Variants in PDS5A observed in about 807,000 individuals in gnomAD.
The protein encoded by PDS5A is sister chromatid cohesion protein PDS5 homolog A.
A neutral mutation model predicts 167.1 loss-of-function variants in PDS5A; 42 were observed. That is an observed-to-expected ratio of 0.25 (90% CI 0.20 to 0.33). The LOEUF (loss-of-function observed/expected upper bound fraction) is 0.33, where lower values mean the gene tolerates loss of function less well. Ranked by LOEUF, PDS5A falls within the 10% of genes least tolerant of loss-of-function variation. PDS5A has a pLI of 1.00. For synonymous variants in PDS5A, 553 were observed against 554.6 expected (o/e 1.00, Z 0.04); for missense variants, 1,033 against 1,605.9 (o/e 0.64, Z 6.10).
At chr4:39,833,470 C>T (rs1343862103) in intron 32 of PDS5A, among the ~76,000 whole-genome samples, 5 of 152,082 alleles carry the variant, frequency 3.3e-5, no homozygotes, top group African/African-American at 9.7e-5. Flanking sequence ...CTCACTGTAG[C>T]CTCGACCTCC....
intron 7 of PDS5A, among the ~76,000 whole-genome samples, chr4:39,917,895 A>G (rs1297333338): frequency 6.6e-6 from 1 of 152,058 alleles, no homozygotes; most frequent in Admixed American, 6.5e-5. Flanking sequence ...ATTTTTAAAA[A>G]AATCAAAGGC....
rs1373436212 is a variant in PDS5A, at chr4:39,869,382, A to G, written c.2505+12T>C. The G allele has an allele frequency of 1.3e-6, 2 of 1,534,010 alleles. No individual in the cohort carries two copies. The highest frequency in any genetic ancestry group is 3.4e-5 in the Admixed American group (2 of 59,388). ...TTAAACATGAAGATTATCAAGGCCT[A>G]AACAAATTTACCTTTGCTAGTACTT... is the stretch of plus-strand genomic sequence containing the variant. On this transcript the variant is annotated intron_variant, in intron 22 of 32. Coordinates refer to ENST00000303538, the MANE Select transcript of PDS5A (RefSeq NM_001100399.2).
At chr4:39,876,199 C>T (rs931938339) in intron 19 of PDS5A, among the ~76,000 whole-genome samples, 1 of 152,048 alleles carries the variant, frequency 6.6e-6, no homozygotes, top group African/African-American at 2.4e-5. Flanking sequence ...CCTATTGTGT[C>T]AGTGATCTTT....
chr4:39,912,135 ACAT>A (rs1296822383), intron 9 of PDS5A, among the ~76,000 whole-genome samples: 1 of 152,208 alleles, frequency 6.6e-6, no homozygotes, highest in Non-Finnish European at 1.5e-5. Flanking sequence ...GAAAAATTAT[ACAT>A]TATTAATGAT....
At chr4:39,967,406 C>T (rs1205056082) in intron 2 of PDS5A, among the ~76,000 whole-genome samples, 1 of 151,196 alleles carries the variant, frequency 6.6e-6, no homozygotes, top group Non-Finnish European at 1.5e-5. Flanking sequence ...CCAACACTTT[C>T]GGAAGCCGAG....
At chr4:39,896,274 G>T in intron 16 of PDS5A, among the ~76,000 whole-genome samples, 1 of 149,226 alleles carries the variant, frequency 6.7e-6, no homozygotes, top group Non-Finnish European at 1.5e-5. Context: ...TCAAATTCCT[G>T]GCTTCAAGTG....
intron 7 of PDS5A, among the ~76,000 whole-genome samples, chr4:39,919,182 C>T (rs1724683723): frequency 6.6e-6 from 1 of 151,666 alleles, no homozygotes; most frequent in African/African-American, 2.4e-5. Context: ...GAAAATAATT[C>T]AACAATATAT....
chr4:39,948,574 C>T (rs1284600382), intron 2 of PDS5A, among the ~76,000 whole-genome samples: 6 of 150,246 alleles, frequency 4.0e-5, no homozygotes, highest in Admixed American at 6.7e-5. Flanking sequence ...CCACCTGCCT[C>T]GGCCTCCCAA....
At chr4:39,973,696 G>T in intron 2 of PDS5A, 1 of 1,290,228 alleles carries the variant, frequency 7.8e-7, no homozygotes, top group Middle Eastern at 1.9e-4. Flanking sequence ...GCGCAAAGAA[G>T]AGTGCCAGGC....
At chr4:39,915,249 G>A (rs1330091394) in intron 8 of PDS5A, among the ~76,000 whole-genome samples, 1 of 151,222 alleles carries the variant, frequency 6.6e-6, no homozygotes, top group African/African-American at 2.4e-5. Context: ...ATGCTGACAA[G>A]GTTGGTCTTG....
At chr4:39,842,129 A>G in intron 30 of PDS5A, 73 bp from the exon 31 acceptor site, 1 of 947,284 alleles carries the variant, frequency 1.1e-6, no homozygotes. Flanking sequence ...GTACCAATAA[A>G]GAAAGGCTTA....
chr4:39,938,099 T>C (rs935336380), intron 2 of PDS5A, among the ~76,000 whole-genome samples: 7 of 152,210 alleles, frequency 4.6e-5, no homozygotes, highest in African/African-American at 1.7e-4. Flanking sequence ...AATTCACCTA[T>C]TTCTATACCT....
intron 2 of PDS5A, among the ~76,000 whole-genome samples, chr4:39,951,924 G>T (rs1226850423): frequency 3.3e-5 from 4 of 120,540 alleles, no homozygotes; most frequent in East Asian, 6.0e-4. Context: ...AAAAAAATCT[G>T]TATCACTAAC....
At chr4:39,868,844 T>G (rs1042114431) in intron 22 of PDS5A, 1 of 351,060 alleles carries the variant, frequency 2.8e-6, no homozygotes, top group Non-Finnish European at 5.6e-6. Context: ...CAACACAAAG[T>G]GAAACAGATT....
intron 17 of PDS5A, among the ~76,000 whole-genome samples, chr4:39,887,206 C>G (rs542549813): frequency 2.8e-4 from 43 of 152,164 alleles, no homozygotes; most frequent in Non-Finnish European, 4.9e-4. Flanking sequence ...TAGATGAAAG[C>G]CTTTCAATTT....
intron 18 of PDS5A, among the ~76,000 whole-genome samples, chr4:39,878,766 C>T (rs1010316567): frequency 4.6e-5 from 7 of 151,384 alleles, no homozygotes; most frequent in Admixed American, 2.0e-4. Flanking sequence ...TTTTCTTTTT[C>T]GACAGTCTCA....
chr4:39,965,267 T>C (rs903123585), intron 2 of PDS5A, among the ~76,000 whole-genome samples: 8 of 152,318 alleles, frequency 5.3e-5, no homozygotes, highest in African/African-American at 1.9e-4. Context: ...AACTACATCT[T>C]ACAGAAAAGA....
At chr4:39,873,325 T>C (rs1034054701) in intron 20 of PDS5A, among the ~76,000 whole-genome samples, 181 bp from the exon 21 acceptor site, 1 of 151,646 alleles carries the variant, frequency 6.6e-6, no homozygotes, top group Admixed American at 6.6e-5. Context: ...CCTACTAAAA[T>C]TTAGCAAGAT....
At chr4:39,910,759 C>T (rs1723811572) in intron 9 of PDS5A, among the ~76,000 whole-genome samples, 1 of 152,142 alleles carries the variant, frequency 6.6e-6, no homozygotes, top group African/African-American at 2.4e-5. Context: ...CTTTGGGAGG[C>T]GGAGACAGGT....
Sources: allele counts gnomAD v4.1 joint callset (sites outside exome capture counted in the v4.1 genomes callset), GRCh38; gene constraint gnomAD v4.1.1; transcripts MANE v1.5; gene names NCBI Gene and HGNC (gene_info 2026-07-23, HGNC 2026-07-21).